The following CNTNAP2 variants were observed in gnomAD, a reference collection of about 807,000 sequenced individuals.
CNTNAP2 encodes contactin associated protein 2, also known as contactin-associated protein-like 2.
Under a neutral mutation model 155.2 loss-of-function variants are expected in CNTNAP2, and 98 were observed. That is an observed-to-expected ratio of 0.63 (90% confidence interval 0.54 to 0.75). The LOEUF is 0.75. Among genes scored for constraint, CNTNAP2 ranks in the 30% least tolerant of loss-of-function variants. The probability of loss-of-function intolerance (pLI) is 0.00; values close to 1 mark genes in which losing one functional copy is unlikely to be tolerated. For synonymous variants in CNTNAP2, 651 were observed against 631.2 expected (o/e 1.03, Z -0.47); for missense variants, 1,727 against 1,688.1 (o/e 1.02, Z -0.40).
intron 11 of CNTNAP2, among the ~76,000 whole-genome samples, chr7:147,506,932 A>G (rs894065116): frequency 2.0e-5 from 3 of 152,170 alleles, no homozygotes; most frequent in South Asian, 4.1e-4. Context: ...GAGGCTAGTG[A>G]TTTGGCCTCC....
At chr7:146,206,740 T>C (rs1798952752) in intron 1 of CNTNAP2, among the ~76,000 whole-genome samples, 2 of 152,058 alleles carry the variant, frequency 1.3e-5, no homozygotes, top group African/African-American at 2.4e-5. Context: ...CACCAGTCCA[T>C]GTTCAGGTGT....
In CNTNAP2 at chr7:146,261,545, T is replaced by A. The variant is rs562308031; in HGVS notation, c.97+144572T>A. On this transcript the variant is annotated intron_variant, in intron 1 of 23. Coordinates refer to ENST00000361727, the MANE Select transcript of CNTNAP2 (RefSeq NM_014141.6). Reference sequence around the variant, plus strand: ...AATTATGCTTCTTAAATTTCCCTATTACCTATATGCAGTAATTATTAAAAT... The same window carrying A: ...AATTATGCTTCTTAAATTTCCCTATAACCTATATGCAGTAATTATTAAAAT... 1.4e-3 allele frequency among the ~76,000 whole-genome samples: 211 copies of A among 152,076 alleles called. 1 individual carries two copies. The highest frequency in any genetic ancestry group is 4.9e-3 in the African/African-American group (204 of 41,500).
chr7:147,866,514 T>C (rs1563116847), intron 13 of CNTNAP2, among the ~76,000 whole-genome samples: 2 of 152,280 alleles, frequency 1.3e-5, no homozygotes, highest in Admixed American at 6.5e-5. Context: ...ATATTGACAG[T>C]AGGGTGTTAA....
chr7:146,616,807 T>C (rs983830907), intron 1 of CNTNAP2, among the ~76,000 whole-genome samples: 1 of 152,230 alleles, frequency 6.6e-6, no homozygotes, highest in African/African-American at 2.4e-5. Flanking sequence ...GTATCGGGTT[T>C]GCTCAATCTC....
At chr7:147,060,293 C>G (rs1183723017) in intron 4 of CNTNAP2, among the ~76,000 whole-genome samples, 1 of 152,114 alleles carries the variant, frequency 6.6e-6, no homozygotes, top group Non-Finnish European at 1.5e-5. Flanking sequence ...GTCAAATAAA[C>G]TGTGTTGAAC....
chr7:147,453,688 A>C (rs527786833), intron 10 of CNTNAP2, among the ~76,000 whole-genome samples: 1 of 152,298 alleles, frequency 6.6e-6, no homozygotes, highest in South Asian at 2.1e-4. Flanking sequence ...TGAGATCTAG[A>C]ATTGAAATAA....
chr7:147,183,579 G>GTT (rs1277644280), intron 8 of CNTNAP2, among the ~76,000 whole-genome samples: 1 of 151,994 alleles, frequency 6.6e-6, no homozygotes, highest in African/African-American at 2.4e-5. Context: ...GTGTGTGTGT[G>GTT]TTTTTCCTTA....
intron 18 of CNTNAP2, among the ~76,000 whole-genome samples, chr7:148,203,730 G>A (rs974673788): frequency 6.6e-6 from 1 of 151,312 alleles, no homozygotes; most frequent in African/African-American, 2.4e-5. Context: ...CCCAGCGAGA[G>A]TACATCTCAA....
chr7:148,287,097 C>T (rs893858336), intron 21 of CNTNAP2, among the ~76,000 whole-genome samples: 8 of 152,128 alleles, frequency 5.3e-5, no homozygotes, highest in Non-Finnish European at 5.9e-5. Context: ...GCTCCTTGCC[C>T]GGTCCCCAGG....
intron 11 of CNTNAP2, among the ~76,000 whole-genome samples, chr7:147,549,714 A>G (rs1390329045): frequency 2.0e-5 from 3 of 152,208 alleles, no homozygotes; most frequent in African/African-American, 7.2e-5. Context: ...GTTCTGGTAT[A>G]AGGGATGAGT....
intron 3 of CNTNAP2, among the ~76,000 whole-genome samples, chr7:146,983,392 A>G (rs1489221287): frequency 6.6e-6 from 1 of 152,192 alleles, no homozygotes; most frequent in African/African-American, 2.4e-5. Context: ...TTGTACTTGA[A>G]AAAAGGTACA....
intron 3 of CNTNAP2, among the ~76,000 whole-genome samples, chr7:146,903,421 CTTAATATG>C (rs1796047300): frequency 6.6e-6 from 1 of 152,158 alleles, no homozygotes. Context: ...GCTCCCCAAA[CTTAATATG>C]TTAAAAACCA....
intron 1 of CNTNAP2, among the ~76,000 whole-genome samples, chr7:146,318,283 AAAT>A (rs1800944397): frequency 6.6e-6 from 1 of 152,152 alleles, no homozygotes; most frequent in Non-Finnish European, 1.5e-5. Context: ...TTCATATTTA[AAAT>A]AATAAAGTGT....
At chr7:146,396,033 A>G (rs1795622041) in intron 1 of CNTNAP2, among the ~76,000 whole-genome samples, 1 of 152,134 alleles carries the variant, frequency 6.6e-6, no homozygotes, top group South Asian at 2.1e-4. Context: ...TTCTTGGCAC[A>G]GCATAAATGC....
chr7:147,407,206 C>T (rs1025481880), intron 10 of CNTNAP2, among the ~76,000 whole-genome samples: 6 of 152,162 alleles, frequency 3.9e-5, no homozygotes, highest in East Asian at 1.9e-4. Flanking sequence ...CAGTGGCTCA[C>T]GCCTGTGATC....
At chr7:148,136,029 G>GGAAGGAAGGAAGGAAGGAAAGA (rs1804939420) in intron 16 of CNTNAP2, among the ~76,000 whole-genome samples, 1 of 51,436 alleles carries the variant, frequency 1.9e-5, no homozygotes, top group African/African-American at 9.5e-5. Flanking sequence ...GGGAGGGAGG[G>GGAAGGAAGGAAGGAAGGAAAGA]AGGGAGGGAG....
chr7:148,026,594 G>A (rs1454982691), intron 15 of CNTNAP2, among the ~76,000 whole-genome samples: 1 of 152,092 alleles, frequency 6.6e-6, no homozygotes, highest in Non-Finnish European at 1.5e-5. Context: ...TTCTTGATTT[G>A]CCTCCTGCAG....
chr7:146,531,826 T>C (rs1475445164), intron 1 of CNTNAP2, among the ~76,000 whole-genome samples: 2 of 152,192 alleles, frequency 1.3e-5, no homozygotes, highest in Admixed American at 1.3e-4. Flanking sequence ...ATTAGAGGCA[T>C]GAGCCACCAT....
At chr7:146,212,724 G>A (rs1345215939) in intron 1 of CNTNAP2, among the ~76,000 whole-genome samples, 1 of 152,174 alleles carries the variant, frequency 6.6e-6, no homozygotes, top group Non-Finnish European at 1.5e-5. Context: ...TGGTCATGAA[G>A]TAGAATGAAA....
Sources: allele counts gnomAD v4.1 joint callset (sites outside exome capture counted in the v4.1 genomes callset), GRCh38; gene constraint gnomAD v4.1.1; transcripts MANE v1.5; gene names NCBI Gene and HGNC (gene_info 2026-07-23, HGNC 2026-07-21).